CLCNKA: variants seen among roughly 807,000 people sequenced by gnomAD.
CLCNKA encodes chloride voltage-gated channel Ka.
Under a neutral mutation model 83.3 loss-of-function variants are expected in CLCNKA, and 66 were observed. The observed-to-expected ratio is 0.79, with a 90% CI of 0.65 to 0.97. CLCNKA has a LOEUF of 0.97. Among genes scored for constraint, CLCNKA ranks in the 50% least tolerant of loss-of-function variants. The pLI, the probability that CLCNKA is intolerant of heterozygous loss-of-function variation, is 0.00. For synonymous variants in CLCNKA, 357 were observed against 370.4 expected (o/e 0.96, Z 0.42); for missense variants, 806 against 888.7 (o/e 0.91, Z 1.18).
At chr1:16,028,485 T>C (rs1401987201) in intron 10 of CLCNKA, 47 of 629,406 alleles carry the variant, frequency 7.5e-5, no homozygotes, top group Non-Finnish European at 1.3e-4. Context: ...GCCCACTGTC[T>C]CCTCCCTCCT....
intron 15 of CLCNKA, among the ~76,000 whole-genome samples, chr1:16,031,180 G>A (rs879430869): frequency 2.0e-5 from 3 of 152,210 alleles, no homozygotes; most frequent in African/African-American, 7.2e-5. Context: ...AGTCCGAATC[G>A]GAGGCCCCGC....
chr1:16,023,034 C>T (rs1359144489), intron 2 of CLCNKA, among the ~76,000 whole-genome samples: 2 of 152,258 alleles, frequency 1.3e-5, no homozygotes, highest in African/African-American at 2.4e-5. Context: ...GCTGCTGGGA[C>T]AGCTGGGGGC....
Position 16,027,031 on chromosome 1 carries a change from C to T in CLCNKA, c.655+256C>T, listed in dbSNP as rs67785192. The T allele has an allele frequency of 0.086, 55,765 of 646,036 alleles. 2,834 individuals are homozygous for T. Among genetic ancestry groups the T allele is most frequent in the Non-Finnish European group, 0.1 (38,069 of 376,450 alleles). 40.0% of individuals were successfully genotyped at this position (646,036 alleles called of 1,614,324 possible). A position where few individuals can be genotyped will look rare whatever the true frequency, so the allele number is the denominator to read the frequency against. The stretch of plus-strand genomic sequence containing the variant: ...GGTTTGAAATCCACTGGCCCCTTGG[C>T]CTCTCTGAGCGCAGCTTCCTCCTCT... On this transcript the variant is annotated intron_variant, in intron 7 of 19. Coordinates refer to ENST00000331433, the MANE Select transcript of CLCNKA (RefSeq NM_004070.4).
At position 16,028,016 on chromosome 1, in the gene CLCNKA, A is replaced by G; in HGVS notation, c.867-2A>G. On this transcript the variant is annotated splice_acceptor_variant, in intron 9 of 19. Transcript: ENST00000331433. LOFTEE classifies it high-confidence loss of function. ...CTGGTCTTACCTCCCTTCACCCCGC[A>G]GTGGCATCTGCGGCGTCCTGAGCTG... The G allele has an allele frequency of 1.2e-6, 2 of 1,613,588 alleles. No homozygotes were observed. Among genetic ancestry groups the G allele is most frequent in the Non-Finnish European group, 1.7e-6 (2 of 1,179,856 alleles).
Position 16,030,447 on chromosome 1 carries a change from C to A in CLCNKA, c.1409-14C>A. ...TCCTGGCCTGAGCCGACCTGTGTGG[C>A]TCTGCCCCGGCAGGGGCTGCAGCCT... On this transcript the variant is annotated splice_polypyrimidine_tract_variant and intron_variant, in intron 14 of 19. Transcript: ENST00000331433. 1 of 1,612,182 alleles carries A rather than the reference C, an allele frequency of 6.2e-7. No individual in the cohort carries two copies. Among genetic ancestry groups the A allele is most frequent in the Non-Finnish European group, 8.5e-7 (1 of 1,179,846 alleles).
intron 10 of CLCNKA, chr1:16,028,492 T>A: frequency 1.6e-6 from 1 of 639,408 alleles, no homozygotes; most frequent in Non-Finnish European, 2.9e-6. Flanking sequence ...GTCTCCTCCC[T>A]CCTAGCCTGC....
At chr1:16,025,018 C>T in intron 4 of CLCNKA, 127 bp downstream of exon 4, 1 of 1,277,632 alleles carries the variant, frequency 7.8e-7, no homozygotes, top group South Asian at 1.2e-5. Flanking sequence ...TGTGGCTTGC[C>T]TGAAGGCACA....
chr1:16,027,999 A>C lies in CLCNKA; in HGVS notation c.867-19A>C, dbSNP rs762285802. On this transcript the variant is annotated intron_variant, in intron 9 of 19. Coordinates refer to ENST00000331433, the MANE Select transcript of CLCNKA (RefSeq NM_004070.4). Reference sequence around the variant, plus strand: ...GGTACTGGGGTCAGGCTCTGGTCTTACCTCCCTTCACCCCGCAGTGGCATC... The same window carrying C: ...GGTACTGGGGTCAGGCTCTGGTCTTCCCTCCCTTCACCCCGCAGTGGCATC... The C allele has an allele frequency of 6.2e-7, 1 of 1,613,002 alleles. No homozygotes were observed. Among genetic ancestry groups the C allele is most frequent in the East Asian group, 2.2e-5 (1 of 44,776 alleles).
rs13376009 is a variant in CLCNKA at position 16,029,371 on chromosome 1, C to A, written c.1227+72C>A. 2,649 of 1,605,372 alleles carry A rather than the reference C, an allele frequency of 1.7e-3. 42 individuals carry two copies. In the African/African-American group the frequency reaches 0.031, roughly 19 times the overall value. On this transcript the variant is annotated intron_variant, in intron 12 of 19. Transcript: ENST00000331433. ...GGTGGGGAGGGGCGGGGGTGCCTCC[C>A]TGCACCTGGTGGCATGGAGCCCAGG...
chr1:16,023,958 G>A (rs1423598475), intron 3 of CLCNKA, 30 bp downstream of exon 3: 1 of 1,613,200 alleles, frequency 6.2e-7, no homozygotes, highest in Admixed American at 1.7e-5. Flanking sequence ...TGCTGCTCTG[G>A]GCCAAGGGAT....
chr1:16,028,720 G>C (rs763380743), intron 10 of CLCNKA, 41 bp from the exon 11 acceptor site: 2 of 1,610,714 alleles, frequency 1.2e-6, no homozygotes, highest in Non-Finnish European at 1.7e-6. Context: ...CGGGATGTAG[G>C]AAAGGGAGGG....
At chr1:16,028,929 C>T (rs1485208552) in intron 11 of CLCNKA, 84 bp downstream of exon 11, 1 of 1,546,826 alleles carries the variant, frequency 6.5e-7, no homozygotes, top group Non-Finnish European at 8.9e-7. Context: ...ATACCCTCAG[C>T]ACCCCACCAG....
In CLCNKA at chr1:16,027,914, G is replaced by A. The variant is rs757652917; in HGVS notation, c.866+9G>A. 2.5e-6 allele frequency: 4 copies of A among 1,613,726 alleles called. No homozygotes were observed. The Admixed American group carries it at 5.0e-5, about 20-fold the overall frequency. On this transcript the variant is annotated intron_variant, in intron 9 of 19. Coordinates refer to ENST00000331433, the MANE Select transcript of CLCNKA (RefSeq NM_004070.4). ...TTTTTTGTGGCGCTGGGGTGAGTGGGTGCCTTGGGCCCCTGAGAGTCCAAA... is the reference window on the plus strand; with the variant it reads ...TTTTTTGTGGCGCTGGGGTGAGTGGATGCCTTGGGCCCCTGAGAGTCCAAA...
In CLCNKA at chr1:16,026,699, C is replaced by T. The variant is rs138548956; in HGVS notation, c.579C>T (p.Asn193=). ...AGCCCTGGACTCGGATCCCCCAGAA[C>T]AAGAGCAAGCAAAACGAAATGCTGG... ...VRTTTIGEPE[N]KSKQNEMLVA... The change falls in exon 7 of 20, where the codon AAC becomes AAT. Residue 193 remains asparagine (N), a splice_region_variant and synonymous_variant. Coordinates refer to ENST00000331433, the MANE Select transcript of CLCNKA (RefSeq NM_004070.4). 1.9e-6 allele frequency: 3 copies of T among 1,613,768 alleles called. No individual in the cohort carries two copies. The highest frequency in any genetic ancestry group is 2.7e-5 in the African/African-American group (2 of 75,036).
In CLCNKA at chr1:16,033,737, C is replaced by G. The variant is rs994177814; in HGVS notation, c.*79C>G. On this transcript the variant is annotated 3_prime_UTR_variant, in exon 20 of 20. Coordinates refer to ENST00000331433, the MANE Select transcript of CLCNKA (RefSeq NM_004070.4). ...GGCTGAGACCCTGCTTCTCTTCCCC[C>G]ATCACCACCTGCCCCTCCCTCCAGC... 373 of 1,366,226 alleles carry G rather than the reference C, an allele frequency of 2.7e-4. No homozygotes were observed. The highest frequency in any genetic ancestry group is 2.8e-4 in the Non-Finnish European group (267 of 959,058). The allele number at this position is 1,366,226 out of a possible 1,614,324, so 84.6% of individuals were successfully genotyped here.
chr1:16,028,223 C>A, intron 10 of CLCNKA, 104 bp downstream of exon 10: 3 of 1,042,190 alleles, frequency 2.9e-6, no homozygotes, highest in Non-Finnish European at 4.4e-6. Context: ...GCCCCTAAAT[C>A]CCTCCCTAGC....
intron 3 of CLCNKA, among the ~76,000 whole-genome samples, chr1:16,024,200 C>T (rs1269050688): frequency 2.6e-5 from 4 of 152,260 alleles, no homozygotes; most frequent in African/African-American, 4.8e-5. Flanking sequence ...CCACCCCGTT[C>T]CTTCTCCTTC....
chr1:16,023,980 T>C (rs745378197), intron 3 of CLCNKA, 52 bp downstream of exon 3: 3 of 1,610,624 alleles, frequency 1.9e-6, no homozygotes, highest in Non-Finnish European at 2.5e-6. Context: ...CTAGGCACGC[T>C]CTGGGGATAC....
In CLCNKA at chr1:16,026,610, T is replaced by C. The variant is rs754261632; in HGVS notation, c.573T>C (p.Pro191=). The part of the protein sequence containing the change: ...GRVRTTTIGE[P]ENKSKQNEML... ...TGCGCACCACGACCATCGGGGAGCC[T>C]GAGGTTAGGGACTCGGGGGCTTCCT... Residue 191 remains proline, a synonymous_variant, in exon 6 of 20, where the codon CCT becomes CCC. Transcript: ENST00000331433. The C allele has an allele frequency of 2.2e-5, 35 of 1,613,916 alleles. No homozygotes were observed. The highest frequency in any genetic ancestry group is 2.9e-5 in the Non-Finnish European group (34 of 1,179,972).
Sources: allele counts gnomAD v4.1 joint callset (sites outside exome capture counted in the v4.1 genomes callset), GRCh38; gene constraint gnomAD v4.1.1; transcripts MANE v1.5; gene names NCBI Gene and HGNC (gene_info 2026-07-23, HGNC 2026-07-21).